Variants in MEGF6 observed in about 807,000 individuals in gnomAD.
MEGF6 encodes the protein multiple EGF like domains 6, also known as multiple epidermal growth factor-like domains protein 6.
A neutral mutation model predicts 207.1 loss-of-function variants in MEGF6; 184 were observed. The ratio of observed to expected loss-of-function variants is 0.89; its 90% CI spans 0.79 to 1.00. The LOEUF is 1.00. Among genes scored for constraint, MEGF6 ranks in the 50% least tolerant of loss-of-function variants. The pLI, the probability that MEGF6 is intolerant of heterozygous loss-of-function variation, is 0.00. For synonymous variants in MEGF6, 1,038 were observed against 910.0 expected (o/e 1.14, Z -2.53); for missense variants, 2,282 against 2,202.9 (o/e 1.04, Z -0.72).
chr1:3,566,476 C>T (rs1643346259), intron 4 of MEGF6, among the ~76,000 whole-genome samples: 1 of 152,212 alleles, frequency 6.6e-6, no homozygotes, highest in Admixed American at 6.5e-5. Flanking sequence ...GGCAGCCAGG[C>T]CAAGAACCGA....
intron 4 of MEGF6, among the ~76,000 whole-genome samples, chr1:3,576,417 C>CT (rs779889257): frequency 2.0e-5 from 3 of 152,224 alleles, no homozygotes; most frequent in African/African-American, 7.2e-5. Context: ...TCCCCAACTC[C>CT]TTTGTTCAAA....
At chr1:3,537,891 G>T (rs1444014218) in intron 4 of MEGF6, among the ~76,000 whole-genome samples, 1 of 152,192 alleles carries the variant, frequency 6.6e-6, no homozygotes, top group Non-Finnish European at 1.5e-5. Context: ...GAGATGGGTG[G>T]CCTGGGAGGG....
At chr1:3,571,857 T>A (rs1382229653) in intron 4 of MEGF6, among the ~76,000 whole-genome samples, 2 of 137,366 alleles carry the variant, frequency 1.5e-5, no homozygotes, top group East Asian at 4.7e-4. Flanking sequence ...GTGTGCTGGG[T>A]CCTCCTGGGT....
In MEGF6 at chr1:3,509,156, G is replaced by T; in HGVS notation, c.1447C>A (p.Gln483Lys). 1.3e-6 allele frequency: 2 copies of T among 1,585,870 alleles called. No individual in the cohort carries two copies. Among genetic ancestry groups the T allele is most frequent in the Non-Finnish European group, 1.7e-6 (2 of 1,166,818 alleles). The change falls in exon 12 of 37, where the codon CAA becomes AAA. Residue 483 changes from glutamine (Q) to lysine (K), a missense_variant. Gln to Lys is a moderately conservative substitution (Grantham distance 53). Coordinates refer to ENST00000356575, the MANE Select transcript of MEGF6 (RefSeq NM_001409.4). ...CCGACGTCGTCATCCTGGAAGAGTTGCGGCAGCTCGTCCTGGAGCACGGCA... is the reference window on the plus strand; with the variant it reads ...CCGACGTCGTCATCCTGGAAGAGTTTCGGCAGCTCGTCCTGGAGCACGGCA... ...HIAVLQDELP[Q>K]LFQDDDVGAD...
rs543378743 is a variant in MEGF6 at position 3,610,433 on chromosome 1, A to G, written c.131+705T>C. Among the ~76,000 whole-genome samples, 1,185 of 152,240 alleles carry G rather than the reference A, an allele frequency of 7.8e-3. 16 individuals carry two copies. Among genetic ancestry groups the G allele is most frequent in the African/African-American group, 0.027 (1,122 of 41,526 alleles). ...TGGCCCTCGCCCACCCACCCCTGCCAGCAAGGCCAGGGAGTGCTGGGTGGG... is the reference window on the plus strand; with the variant it reads ...TGGCCCTCGCCCACCCACCCCTGCCGGCAAGGCCAGGGAGTGCTGGGTGGG... On this transcript the variant is annotated intron_variant, in intron 1 of 36. Transcript: ENST00000356575.
intron 1 of MEGF6, 93 bp downstream of exon 1, chr1:3,611,045 G>A: frequency 7.4e-7 from 1 of 1,351,056 alleles, no homozygotes; most frequent in Non-Finnish European, 9.5e-7. Flanking sequence ...GGAGCCCCAG[G>A]GACAAAGCCT....
At position 3,509,270 on chromosome 1, in the gene MEGF6, AG is replaced by A. The variant is rs974306223; in HGVS notation, c.1358-26del. On this transcript the variant is annotated intron_variant, in intron 11 of 36. Transcript: ENST00000356575. ...GCTGCCAGGGGCACAGAGGCGCCTT[AG>A]CCCCTGCCACCCACCTGCCTGCTCC... 3 of 1,417,112 alleles carry A rather than the reference AG, an allele frequency of 2.1e-6. No individual in the cohort carries two copies. In the African/African-American group the frequency reaches 4.5e-5, roughly 21 times the overall value. 87.8% of individuals were successfully genotyped at this position (1,417,112 alleles called of 1,614,324 possible). A position where few individuals can be genotyped will look rare whatever the true frequency, so the allele number is the denominator to read the frequency against.
chr1:3,530,300 C>T lies in MEGF6; in HGVS notation c.482-6054G>A, dbSNP rs537859496. 8.5e-5 allele frequency among the ~76,000 whole-genome samples: 13 copies of T among 152,306 alleles called. No homozygotes were observed. The South Asian group carries it at 1.2e-3, about 15-fold the overall frequency. On this transcript the variant is annotated intron_variant, in intron 4 of 36. Transcript: ENST00000356575. ...AGAGGCAGAAGCTCGGCCTGGCACT[C>T]GAAACAGCTAAGGAGGGGTGACGTC...
At chr1:3,596,995 G>A (rs888904925) in intron 2 of MEGF6, among the ~76,000 whole-genome samples, 4 of 152,070 alleles carry the variant, frequency 2.6e-5, no homozygotes, top group Non-Finnish European at 5.9e-5. Context: ...CCAACAGGCC[G>A]CCAACCACCC....
At position 3,498,679 on chromosome 1, in the gene MEGF6, T is replaced by C; in HGVS notation, c.3223+19A>G. 6 of 1,545,298 alleles carry C rather than the reference T, an allele frequency of 3.9e-6. No homozygotes were observed. Among genetic ancestry groups the C allele is most frequent in the Non-Finnish European group, 5.2e-6 (6 of 1,145,960 alleles). On this transcript the variant is annotated intron_variant, in intron 25 of 36. Transcript: ENST00000356575. ...CAAGCATGCTGGGGTATGTCCCTCC[T>C]CTGCCGCCCAGCGCTCACCCTTCTC...
intron 4 of MEGF6, among the ~76,000 whole-genome samples, chr1:3,562,763 C>T (rs1033225268): frequency 5.9e-5 from 9 of 152,330 alleles, no homozygotes; most frequent in Non-Finnish European, 1.0e-4. Context: ...AGGCTCAGGC[C>T]TCTGTTGTTC....
chr1:3,582,820 C>G (rs762709635), intron 3 of MEGF6, among the ~76,000 whole-genome samples: 36 of 152,176 alleles, frequency 2.4e-4, no homozygotes, highest in Non-Finnish European at 4.6e-4. Context: ...GTCTCCAAAT[C>G]AGAGCCCACA....
intron 14 of MEGF6, among the ~76,000 whole-genome samples, 163 bp downstream of exon 14, chr1:3,507,632 G>C (rs933205516): frequency 1.3e-5 from 2 of 152,240 alleles, no homozygotes; most frequent in Admixed American, 1.3e-4. Context: ...TAAAGCTCTG[G>C]AGACAGGGAG....
At position 3,556,867 on chromosome 1, in the gene MEGF6, A is replaced by G. The variant is rs564850852; in HGVS notation, c.481+22958T>C. Among the ~76,000 whole-genome samples, 25 of 152,206 alleles carry G rather than the reference A, an allele frequency of 1.6e-4. No homozygotes were observed. The highest frequency in any genetic ancestry group is 5.5e-4 in the African/African-American group (23 of 41,538). ...CGGGTGAGGATGGTGAGGCTGCCTC[A>G]TGGTACAGGGGAGCCAGGGCTGTGG... On this transcript the variant is annotated intron_variant, in intron 4 of 36. Coordinates refer to ENST00000356575, the MANE Select transcript of MEGF6 (RefSeq NM_001409.4). This position sits in a 1 kb window ranked among gnomAD's most constrained non-coding sequence, Gnocchi z 4.4.
chr1:3,498,244 C>T, intron 26 of MEGF6, 127 bp downstream of exon 26: 1 of 1,224,672 alleles, frequency 8.2e-7, no homozygotes, highest in Non-Finnish European at 1.1e-6. Flanking sequence ...GCAGCTCTTG[C>T]ATTCACAGGA....
intron 36 of MEGF6, 72 bp from the exon 37 acceptor site, chr1:3,490,661 T>A (rs1242218576): frequency 1.3e-6 from 2 of 1,521,908 alleles, no homozygotes; most frequent in African/African-American, 2.8e-5. Context: ...GGTTCTGGGT[T>A]GGCACCTCTC....
At chr1:3,570,185 C>CA (rs774526629) in intron 4 of MEGF6, among the ~76,000 whole-genome samples, 3 of 152,064 alleles carry the variant, frequency 2.0e-5, no homozygotes, top group Non-Finnish European at 2.9e-5. Context: ...CCGACTGTCA[C>CA]GCAGGGACTG....
intron 10 of MEGF6, 76 bp from the exon 11 acceptor site, chr1:3,510,068 A>T: frequency 4.0e-6 from 6 of 1,505,138 alleles, no homozygotes; most frequent in Non-Finnish European, 4.4e-6. Flanking sequence ...ACCCAGTCCT[A>T]CCCACAGGAC....
chr1:3,501,680 A>G, intron 18 of MEGF6, 116 bp downstream of exon 18: 6 of 1,386,964 alleles, frequency 4.3e-6, no homozygotes, highest in Non-Finnish European at 5.8e-6. Context: ...GAGCTCTCAC[A>G]CCTGCTATAG....
Sources: allele counts gnomAD v4.1 joint callset (sites outside exome capture counted in the v4.1 genomes callset), GRCh38; gene constraint gnomAD v4.1.1; non-coding constraint Gnocchi (gnomAD v3.1); transcripts MANE v1.5; gene names NCBI Gene and HGNC (gene_info 2026-07-23, HGNC 2026-07-21).